Variants in CAP1 observed in about 807,000 individuals in gnomAD.
The protein encoded by CAP1 is adenylyl cyclase-associated protein 1.
Under a neutral mutation model 58.2 loss-of-function variants are expected in CAP1, and 11 were observed. The ratio of observed to expected loss-of-function variants is 0.19; its 90% CI spans 0.12 to 0.31. The LOEUF (loss-of-function observed/expected upper bound fraction) is 0.31. Ranked by LOEUF, CAP1 falls within the 10% of genes least tolerant of loss-of-function variation. The probability of loss-of-function intolerance (pLI) is 1.00; values close to 1 mark genes in which losing one functional copy is unlikely to be tolerated. For synonymous variants in CAP1, 183 were observed against 213.8 expected (o/e 0.86, Z 1.26); for missense variants, 423 against 587.5 (o/e 0.72, Z 2.89).
chr1:40,069,700 T>C lies in CAP1; in HGVS notation c.819T>C (p.His273=). The C allele has an allele frequency of 6.2e-7, 1 of 1,613,292 alleles. No individual in the cohort carries two copies. The highest frequency in any genetic ancestry group is 8.5e-7 in the Non-Finnish European group (1 of 1,179,664). The change falls in exon 9 of 13, where the codon CAT becomes CAC. Residue 273 remains histidine (H), a synonymous_variant. Coordinates refer to ENST00000372805, the MANE Select transcript of CAP1 (RefSeq NM_006367.4). The stretch of plus-strand genomic sequence containing the variant: ...CTGTTGTTCTTACAGCCCTGAAACA[T>C]GTATCTGATGACATGAAGACTCACA... The part of the protein sequence containing the change: ...QGESITHALK[H]VSDDMKTHKN...
chr1:40,046,384 A>G (rs1570340988), intron 1 of CAP1, among the ~76,000 whole-genome samples: 1 of 152,024 alleles, frequency 6.6e-6, no homozygotes, highest in Non-Finnish European at 1.5e-5. Flanking sequence ...GAACCCGGGG[A>G]GGTGGAGGTT....
At chr1:40,058,647 A>G (rs1279547706) in intron 1 of CAP1, among the ~76,000 whole-genome samples, 5 of 152,074 alleles carry the variant, frequency 3.3e-5, no homozygotes, top group Non-Finnish European at 7.4e-5. Flanking sequence ...CTTGAACCCA[A>G]CAGGGTGGAG....
chr1:40,046,396 C>T (rs1221163331), intron 1 of CAP1, among the ~76,000 whole-genome samples: 2 of 152,064 alleles, frequency 1.3e-5, no homozygotes, highest in Admixed American at 6.6e-5. Flanking sequence ...GTGGAGGTTG[C>T]AGTGAGCTAA....
At chr1:40,066,438 A>T in intron 7 of CAP1, 118 bp downstream of exon 7, 1 of 643,754 alleles carries the variant, frequency 1.6e-6, no homozygotes, top group Admixed American at 2.5e-5. Context: ...TAGTTTTTTC[A>T]GTGGAAGGGA....
At chr1:40,054,899 G>A (rs1221843084) in intron 1 of CAP1, among the ~76,000 whole-genome samples, 2 of 151,902 alleles carry the variant, frequency 1.3e-5, no homozygotes, top group Non-Finnish European at 2.9e-5. Flanking sequence ...TCAAGTGATT[G>A]CCTGTGTTGC....
intron 4 of CAP1, among the ~76,000 whole-genome samples, chr1:40,063,021 A>G (rs1646922093): frequency 6.6e-6 from 1 of 151,814 alleles, no homozygotes; most frequent in African/African-American, 2.4e-5. Flanking sequence ...TTTTTGAGAC[A>G]GGGTGTTGTT....
At chr1:40,057,966 C>T (rs1211264160) in intron 1 of CAP1, among the ~76,000 whole-genome samples, 2 of 152,130 alleles carry the variant, frequency 1.3e-5, no homozygotes. Flanking sequence ...GCACCCTTAT[C>T]CCTCTGGAGT....
chr1:40,041,826 CAG>C (rs953905814), intron 1 of CAP1, among the ~76,000 whole-genome samples: 36 of 152,092 alleles, frequency 2.4e-4, no homozygotes, highest in African/African-American at 4.3e-4. Flanking sequence ...AAGTATGTAA[CAG>C]GGGGTTCAGG....
chr1:40,061,825 C>G lies in CAP1; in HGVS notation c.294+13C>G, dbSNP rs754415533. On this transcript the variant is annotated intron_variant, in intron 4 of 12. Transcript: ENST00000372805. ...ACAGCCAGCAGAAGTAAGTTCACTA[C>G]TAGCTGGTTTCATTTTGGTTTGATG... is the stretch of plus-strand genomic sequence containing the variant. 7 of 1,604,458 alleles carry G rather than the reference C, an allele frequency of 4.4e-6. No homozygotes were observed. The highest frequency in any genetic ancestry group is 6.0e-6 in the Non-Finnish European group (7 of 1,171,344).
intron 1 of CAP1, among the ~76,000 whole-genome samples, chr1:40,051,507 C>T (rs1422660648): frequency 6.6e-6 from 1 of 152,108 alleles, no homozygotes; most frequent in African/African-American, 2.4e-5. Flanking sequence ...GAGCTGTGAA[C>T]ACACCATTGC....
intron 1 of CAP1, among the ~76,000 whole-genome samples, chr1:40,056,907 C>CA (rs893791256): frequency 9.2e-5 from 7 of 76,020 alleles, no homozygotes; most frequent in African/African-American, 2.0e-4. Context: ...CCACCAAGAG[C>CA]AAAAAAAACA....
chr1:40,048,401 G>A (rs557455655), intron 1 of CAP1, among the ~76,000 whole-genome samples: 1 of 152,278 alleles, frequency 6.6e-6, no homozygotes, highest in East Asian at 1.9e-4. Flanking sequence ...GCAAAGTGGT[G>A]CCTGTTATTT....
chr1:40,058,734 T>A (rs1174868521), intron 1 of CAP1, among the ~76,000 whole-genome samples: 1 of 151,298 alleles, frequency 6.6e-6, no homozygotes, highest in African/African-American at 2.4e-5. Context: ...AAAAAAAAAA[T>A]TATTGAGGGA....
At position 40,064,526 on chromosome 1, in the gene CAP1, A is replaced by T; in HGVS notation, c.491A>T (p.Tyr164Phe). The change falls in exon 6 of 13, where the codon TAT (tyrosine) becomes TTT (phenylalanine). Residue 164 changes from tyrosine (Y) to phenylalanine (F), a missense_variant. Physicochemically the swap from Tyr to Phe is conservative, Grantham distance 22 (BLOSUM62 3). Coordinates refer to ENST00000372805, the MANE Select transcript of CAP1 (RefSeq NM_006367.4). ...GAAATGAATGATGCCGCCATGTTTT[A>T]TACAAACCGAGTCCTCAAAGAGTAC... is the stretch of plus-strand genomic sequence containing the variant. Reference protein sequence around the residue: ...VKEMNDAAMFYTNRVLKEYKD... With the variant: ...VKEMNDAAMFFTNRVLKEYKD... 6.2e-7 allele frequency: 1 copy of T among 1,613,750 alleles called. No individual in the cohort carries two copies. The highest frequency in any genetic ancestry group is 8.5e-7 in the Non-Finnish European group (1 of 1,179,920).
intron 1 of CAP1, among the ~76,000 whole-genome samples, chr1:40,048,838 A>G (rs930983649): frequency 2.0e-5 from 3 of 152,232 alleles, no homozygotes; most frequent in African/African-American, 4.8e-5. Context: ...GAACAGGATT[A>G]CAAAATTAAG....
At chr1:40,046,480 CAAAAA>C (rs77538985) in intron 1 of CAP1, among the ~76,000 whole-genome samples, 3 of 151,846 alleles carry the variant, frequency 2.0e-5, no homozygotes, top group African/African-American at 7.2e-5. Flanking sequence ...CAAAACAAAA[CAAAAA>C]AAAACAAACA....
intron 1 of CAP1, among the ~76,000 whole-genome samples, chr1:40,058,879 A>G (rs1646728618): frequency 1.3e-5 from 2 of 152,152 alleles, no homozygotes; most frequent in Admixed American, 6.5e-5. Context: ...TTCTCTATTC[A>G]CTGGCCGTGT....
At position 40,041,978 on chromosome 1, in the gene CAP1, C is replaced by G. The variant is rs112734387; in HGVS notation, c.-11+1177C>G. On this transcript the variant is annotated intron_variant, in intron 1 of 12. Coordinates refer to ENST00000372805, the MANE Select transcript of CAP1 (RefSeq NM_006367.4). Reference sequence around the variant, plus strand: ...GTTGAAGCTCTTTGTGGGGCTCTCTCTTCAAGAGAAAATCCGGGGGCATAT... The same window carrying G: ...GTTGAAGCTCTTTGTGGGGCTCTCTGTTCAAGAGAAAATCCGGGGGCATAT... 7.2e-3 allele frequency among the ~76,000 whole-genome samples: 1,103 copies of G among 152,316 alleles called. 9 individuals are homozygous for G. The highest frequency in any genetic ancestry group is 0.026 in the African/African-American group (1,061 of 41,560).
chr1:40,051,562 TG>T (rs1347198175), intron 1 of CAP1, among the ~76,000 whole-genome samples: 2 of 152,198 alleles, frequency 1.3e-5, no homozygotes, highest in African/African-American at 2.4e-5. Flanking sequence ...TTTGTTTGTT[TG>T]GGGTTTTTTT....
Sources: gnomAD v4.1 joint callset for allele counts (sites outside exome capture counted in the v4.1 genomes callset) on GRCh38, gnomAD v4.1.1 for gene constraint, MANE v1.5 for transcripts, NCBI Gene and HGNC (gene_info 2026-07-23, HGNC 2026-07-21) for gene names.